The following HDAC8 variants were observed in gnomAD, a reference collection of about 807,000 sequenced individuals.
HDAC8 encodes the protein histone deacetylase 8.
HDAC8 carries 1 observed loss-of-function variant against 32.2 expected under a neutral mutation model. The ratio of observed to expected loss-of-function variants is 0.03; its 90% CI spans 0.01 to 0.15. HDAC8 has a LOEUF of 0.15. Ranked by LOEUF, HDAC8 falls within the 10% of genes least tolerant of loss-of-function variation. The probability of loss-of-function intolerance (pLI) is 1.00; values close to 1 mark genes in which losing one functional copy is unlikely to be tolerated. For synonymous variants in HDAC8, 108 were observed against 113.9 expected (o/e 0.95, Z 0.33); for missense variants, 117 against 300.0 (o/e 0.39, Z 4.51).
intron 4 of HDAC8, among the ~76,000 whole-genome samples, chrX:72,507,027 T>A (rs1556019378): frequency 9.1e-6 from 1 of 110,343 alleles, no homozygotes; most frequent in Non-Finnish European, 1.9e-5. Context: ...TTTTGTATTT[T>A]TTGTAGAGAC....
At chrX:72,523,914 G>T (rs782065818) in intron 4 of HDAC8, among the ~76,000 whole-genome samples, 1 of 111,481 alleles carries the variant, frequency 9.0e-6, no homozygotes, top group South Asian at 3.8e-4. Context: ...TCAAACTCAG[G>T]TCTTGTCTGA....
chrX:72,501,194 C>T (rs1556015952), intron 4 of HDAC8, among the ~76,000 whole-genome samples: 1 of 111,905 alleles, frequency 8.9e-6, no homozygotes, highest in East Asian at 2.8e-4. Context: ...GGCCATACTG[C>T]TCAAGGCAAC....
intron 7 of HDAC8, among the ~76,000 whole-genome samples, chrX:72,466,422 T>A (rs1006730035): frequency 8.9e-6 from 1 of 112,057 alleles, no homozygotes. Flanking sequence ...GTGTCAGAAA[T>A]GGCACAGAGT....
intron 7 of HDAC8, chrX:72,466,807 A>C (rs2048029728): frequency 8.9e-6 from 1 of 112,266 alleles, no homozygotes; most frequent in Admixed American, 9.5e-5. Context: ...AACATTGGAA[A>C]CAACCCAGAT....
intron 9 of HDAC8, among the ~76,000 whole-genome samples, chrX:72,388,417 T>G: frequency 9.1e-6 from 1 of 109,909 alleles, no homozygotes; most frequent in Non-Finnish European, 1.9e-5. Flanking sequence ...AGAAAGAGCC[T>G]TGGGGTCTTT....
At chrX:72,486,066 G>A (rs782494689) in intron 7 of HDAC8, among the ~76,000 whole-genome samples, 1 of 110,787 alleles carries the variant, frequency 9.0e-6, no homozygotes, top group Non-Finnish European at 1.9e-5. Context: ...AGCTTGCAGT[G>A]AGCCTAGATC....
At chrX:72,439,727 A>G (rs782372919) in intron 9 of HDAC8, among the ~76,000 whole-genome samples, 1 of 111,042 alleles carries the variant, frequency 9.0e-6, no homozygotes, top group South Asian at 3.9e-4. Flanking sequence ...AAGACAAAGA[A>G]GGGCATTACA....
chrX:72,371,462 G>A (rs782744427), intron 9 of HDAC8, among the ~76,000 whole-genome samples: 1 of 111,883 alleles, frequency 8.9e-6, no homozygotes, highest in Non-Finnish European at 1.9e-5. Context: ...AGGAGGGCAG[G>A]TGTATGTTGG....
chrX:72,453,491 A>AGAAG (rs1555988505), intron 9 of HDAC8, among the ~76,000 whole-genome samples: 8 of 107,348 alleles, frequency 7.5e-5, no homozygotes, highest in African/African-American at 2.8e-4. Context: ...AAAGAAAGAA[A>AGAAG]GAAAGAAAGA....
At chrX:72,548,680 TTCTCTC>T (rs376266129) in intron 4 of HDAC8, among the ~76,000 whole-genome samples, 2 of 105,980 alleles carry the variant, frequency 1.9e-5, no homozygotes, top group African/African-American at 3.5e-5. Context: ...ACCATTTCTC[TTCTCTC>T]TCTCTCTCTC....
intron 4 of HDAC8, among the ~76,000 whole-genome samples, chrX:72,533,566 A>G (rs889621148): frequency 8.0e-5 from 9 of 111,981 alleles, no homozygotes; most frequent in African/African-American, 2.6e-4. Context: ...ACATCATAAG[A>G]AAACTACAGA....
At chrX:72,561,253 C>T (rs1556119568) in intron 4 of HDAC8, among the ~76,000 whole-genome samples, 1 of 111,934 alleles carries the variant, frequency 8.9e-6, no homozygotes, top group Non-Finnish European at 1.9e-5. Context: ...GCAAAAAGAA[C>T]AAATCTGGAG....
At chrX:72,465,130 A>T (rs1183816514) in intron 7 of HDAC8, among the ~76,000 whole-genome samples, 1 of 111,724 alleles carries the variant, frequency 9.0e-6, no homozygotes, top group Non-Finnish European at 1.9e-5. Context: ...GTTATTTAAG[A>T]TGAGGACCAT....
intron 4 of HDAC8, among the ~76,000 whole-genome samples, chrX:72,563,837 T>A (rs1423892771): frequency 1.8e-5 from 2 of 111,526 alleles, no homozygotes; most frequent in African/African-American, 6.5e-5. Context: ...CCACACTCAC[T>A]AGGAAACTGA....
intron 10 of HDAC8, among the ~76,000 whole-genome samples, chrX:72,344,188 C>G (rs1228740284): frequency 9.0e-6 from 1 of 111,641 alleles, no homozygotes; most frequent in African/African-American, 3.3e-5. Flanking sequence ...GGGTAGTGCC[C>G]TCTGCCCCTG....
At chrX:72,516,402 GT>G (rs1191649341) in intron 4 of HDAC8, among the ~76,000 whole-genome samples, 85 of 103,162 alleles carry the variant, frequency 8.2e-4, no homozygotes, top group South Asian at 6.0e-3. Flanking sequence ...TCTGATTCTT[GT>G]TTTTTTTTTT....
In HDAC8 at chrX:72,498,185, G is replaced by A. The variant is rs868930361; in HGVS notation, c.438-2917C>T. Among the ~76,000 whole-genome samples, 649 of 94,870 alleles carry A rather than the reference G, an allele frequency of 6.8e-3. 3 individuals are homozygous for A. Among genetic ancestry groups the A allele is most frequent in the Non-Finnish European group, 0.011 (547 of 48,064 alleles). 82.4% of individuals were successfully genotyped at this position (94,870 alleles called of 115,157 possible). A position where few individuals can be genotyped will look rare whatever the true frequency, so the allele number is the denominator to read the frequency against. ...AAATGGCAAAAAAAAAAAAAAAAAA[G>A]ATTTGTTCTTTCACCTTATTGAAAG... On this transcript the variant is annotated intron_variant, in intron 4 of 10. Transcript: ENST00000373573.
intron 9 of HDAC8, among the ~76,000 whole-genome samples, chrX:72,423,158 T>C (rs983314832): frequency 2.2e-4 from 25 of 111,979 alleles, no homozygotes; most frequent in African/African-American, 7.4e-4. Context: ...TTCATCCTAG[T>C]GGGCATCACA....
At position 72,329,633 on chromosome X, in the gene HDAC8, T is replaced by A; in HGVS notation, c.*421A>T. 1 of 1,171,302 alleles carries A rather than the reference T, an allele frequency of 8.5e-7. No homozygotes were observed. Among genetic ancestry groups the A allele is most frequent in the South Asian group, 1.9e-5 (1 of 52,632 alleles). On this transcript the variant is annotated 3_prime_UTR_variant, in exon 11 of 11. Transcript: ENST00000373573. ...GTACCCTCTCTCCCAGGGCTCCACC[T>A]GGATGGTCCTGAGGCCCAAACCCTG...
Sources: gnomAD v4.1 joint callset for allele counts (sites outside exome capture counted in the v4.1 genomes callset) on GRCh38, gnomAD v4.1.1 for gene constraint, MANE v1.5 for transcripts, NCBI Gene and HGNC (gene_info 2026-07-23, HGNC 2026-07-21) for gene names.